Variants in FZR1 observed in about 807,000 individuals in gnomAD.
FZR1 encodes fizzy-related protein homolog.
Under a neutral mutation model 63.6 loss-of-function variants are expected in FZR1, and 11 were observed. The observed-to-expected ratio is 0.17, with a 90% confidence interval of 0.11 to 0.29. FZR1 has a LOEUF of 0.29. Ranked by LOEUF, FZR1 falls within the 10% of genes least tolerant of loss-of-function variation. FZR1 has a pLI of 1.00. For missense variants in FZR1, 440 were observed against 687.5 expected (o/e 0.64, Z 4.03); for synonymous variants, 328 against 297.9 (o/e 1.10, Z -1.04).
At position 3,534,569 on chromosome 19, in the gene FZR1, G is replaced by A. The variant is rs1219167579; in HGVS notation, c.1440+56G>A. 1.5e-5 allele frequency: 18 copies of A among 1,212,290 alleles called. No homozygotes were observed. The East Asian group carries it at 2.4e-4, about 16-fold the overall frequency. The allele number at this position is 1,212,290 out of a possible 1,614,324, so 75.1% of individuals were successfully genotyped here. ...CCCCGCCCCAGCCTGTCCCAGGGTC[G>A]TCCCTGTCCCCACTGTCCTCGGGCG... On this transcript the variant is annotated intron_variant, in intron 13 of 13. Coordinates refer to ENST00000441788, the MANE Select transcript of FZR1 (RefSeq NM_016263.4).
At chr19:3,508,489 G>A (rs2083002194) in intron 1 of FZR1, among the ~76,000 whole-genome samples, 1 of 152,204 alleles carries the variant, frequency 6.6e-6, no homozygotes, top group Non-Finnish European at 1.5e-5. Flanking sequence ...GCGCCACCGC[G>A]CTCGGCCTTA....
intron 6 of FZR1, among the ~76,000 whole-genome samples, chr19:3,527,405 G>A (rs576596555): frequency 2.0e-4 from 31 of 152,334 alleles, no homozygotes; most frequent in Admixed American, 1.8e-3. Flanking sequence ...GAGGAGGTGT[G>A]GGGAGCAGAG....
At position 3,530,297 on chromosome 19, in the gene FZR1, GGAGAGCGGAGGA is replaced by G. The variant is rs1316323284; in HGVS notation, c.655-479_655-468del. Among the ~76,000 whole-genome samples, 43 of 132,972 alleles carry G rather than the reference GGAGAGCGGAGGA, an allele frequency of 3.2e-4. 4 individuals are homozygous for G. The highest frequency in any genetic ancestry group is 2.1e-3 in the South Asian group (8 of 3,884). The allele number at this position is 132,972 out of a possible 152,430, so 87.2% of individuals were successfully genotyped here. A position where few individuals can be genotyped will look rare whatever the true frequency, so the allele number is the denominator to read the frequency against. On this transcript the variant is annotated intron_variant, in intron 7 of 13. Coordinates refer to ENST00000441788, the MANE Select transcript of FZR1 (RefSeq NM_016263.4). ...GGGAGAGCGGATGGGAGAGCGCAGGGGAGAGCGGAGGAGAGAGCGGAGGAGAGTGGTTGAGGG... is the reference window on the plus strand; with the variant it reads ...GGGAGAGCGGATGGGAGAGCGCAGGGGAGAGCGGAGGAGAGTGGTTGAGGG...
Position 3,536,164 on chromosome 19 carries a change from T to C in FZR1, c.*1328T>C, listed in dbSNP as rs892644886. 1 of 152,290 alleles carries C rather than the reference T, an allele frequency of 6.6e-6. No individual in the cohort carries two copies. The highest frequency in any genetic ancestry group is 2.4e-5 in the African/African-American group (1 of 41,470). The allele number at this position is 152,290 out of a possible 1,614,324, so 9.4% of individuals were successfully genotyped here. ...GTCCCCAGTGGGGTTGGCGTGCATG[T>C]GTACATATGTATTTGTGACTTTTCT... On this transcript the variant is annotated 3_prime_UTR_variant, in exon 14 of 14. Transcript: ENST00000441788.
chr19:3,534,184 C>T (rs2083274394), intron 12 of FZR1: 1 of 439,492 alleles, frequency 2.3e-6, no homozygotes. Context: ...TGCCCCACTG[C>T]ACACTCCAGC....
chr19:3,518,551 G>A (rs1038493990), intron 1 of FZR1, among the ~76,000 whole-genome samples: 56 of 152,262 alleles, frequency 3.7e-4, no homozygotes, highest in African/African-American at 1.3e-3. Context: ...TCCTGGAGCC[G>A]TTCCGCTTGT....
In FZR1 at chr19:3,526,089, G is replaced by A. The variant is rs368628520; in HGVS notation, c.196-31G>A. The A allele has an allele frequency of 3.0e-5, 49 of 1,612,154 alleles. No individual in the cohort carries two copies. Among genetic ancestry groups the A allele is most frequent in the Non-Finnish European group, 3.6e-5 (43 of 1,179,608 alleles). ...AGGGCCGGGAACAAGCGGGCTCCTC[G>A]ACCCCTCCCTCTCTGCTCTCCTGCC... On this transcript the variant is annotated intron_variant, in intron 3 of 13. Transcript: ENST00000441788. This position sits in a 1 kb window ranked among gnomAD's most constrained non-coding sequence, Gnocchi z 5.4.
chr19:3,513,967 T>C (rs559650028), intron 1 of FZR1, among the ~76,000 whole-genome samples: 2 of 152,296 alleles, frequency 1.3e-5, no homozygotes, highest in African/African-American at 4.8e-5. Flanking sequence ...GAAAAAAATA[T>C]GAAAACAGTG....
Position 3,515,742 on chromosome 19 carries a change from G to A in FZR1, c.-34-7214G>A. On this transcript the variant is annotated intron_variant, in intron 1 of 13. Transcript: ENST00000441788. The surrounding 1 kb of genome is among the most constrained non-coding windows in gnomAD (Gnocchi z 4.6). ...GATCGCACCACTGCAGTCCAGCCTG[G>A]GTGACAGAGCCAGACTCCGTCTCTA... Among the ~76,000 whole-genome samples the A allele has an allele frequency of 6.6e-6, 1 of 150,716 alleles. No homozygotes were observed. The highest frequency in any genetic ancestry group is 1.5e-5 in the Non-Finnish European group (1 of 67,824).
Position 3,526,364 on chromosome 19 carries a change from C to T in FZR1, c.365C>T (p.Pro122Leu). The change falls in exon 5 of 14, where the codon CCT (proline) becomes CTT (leucine). Residue 122 changes from proline (P) to leucine (L), a missense_variant. Around this residue, in one of 5 missense-constraint regions of FZR1, gnomAD observed 200 missense variants for 245.1 expected, o/e 0.82. Coordinates refer to ENST00000441788, the MANE Select transcript of FZR1 (RefSeq NM_016263.4). This position sits in a 1 kb window ranked among gnomAD's most constrained non-coding sequence, Gnocchi z 5.4. ...GACCGCAGGCTGCAGCCCTCCACGC[C>T]TGAGAAGAAGGGTCTGTTCACGGTA... ...TEDRRLQPSTPEKKGLFTYSL... is the reference protein window; with the variant it reads ...TEDRRLQPSTLEKKGLFTYSL... 1 of 1,596,878 alleles carries T rather than the reference C, an allele frequency of 6.3e-7. No homozygotes were observed. The highest frequency in any genetic ancestry group is 8.5e-7 in the Non-Finnish European group (1 of 1,172,994).
chr19:3,522,579 C>CG (rs1471607850), intron 1 of FZR1, among the ~76,000 whole-genome samples: 1 of 152,188 alleles, frequency 6.6e-6, no homozygotes, highest in African/African-American at 2.4e-5. Context: ...CCGTTGCAGA[C>CG]GCACACGCAC....
At position 3,515,766 on chromosome 19, in the gene FZR1, T is replaced by TA. The variant is rs11357702; in HGVS notation, c.-34-7174dup. ...GGGTGACAGAGCCAGACTCCGTCTCTAAAAAAAAAAAAAAAAGGAATTCAA... is the reference window on the plus strand; with the variant it reads ...GGGTGACAGAGCCAGACTCCGTCTCTAAAAAAAAAAAAAAAAAGGAATTCAA... On this transcript the variant is annotated intron_variant, in intron 1 of 13. Transcript: ENST00000441788. The surrounding 1 kb of genome is among the most constrained non-coding windows in gnomAD (Gnocchi z 4.6). 1.9e-3 allele frequency among the ~76,000 whole-genome samples: 262 copies of TA among 134,398 alleles called. No individual in the cohort carries two copies. The highest frequency in any genetic ancestry group is 5.9e-3 in the East Asian group (28 of 4,722). The allele number at this position is 134,398 out of a possible 152,430, so 88.2% of individuals were successfully genotyped here.
At chr19:3,528,806 CGTGGATGGGTGA>C (rs957185268) in intron 7 of FZR1, among the ~76,000 whole-genome samples, 1 of 60,186 alleles carries the variant, frequency 1.7e-5, no homozygotes, top group Middle Eastern at 0.012. Context: ...TGGATGGGTA[CGTGGATGGGTGA>C]GTGGATGGGA....
chr19:3,524,395 C>T (rs989210829), intron 2 of FZR1, among the ~76,000 whole-genome samples: 2 of 152,220 alleles, frequency 1.3e-5, no homozygotes, highest in Admixed American at 1.3e-4. Context: ...CCCACATACC[C>T]GTCCTGCCCC....
chr19:3,526,307 G>A lies in FZR1; in HGVS notation c.308G>A (p.Gly103Asp), dbSNP rs771866008. Residue 103 changes from glycine to aspartate, a missense_variant, in exon 5 of 14, where the codon GGC becomes GAC. This residue lies in a region of FZR1 where 200 missense variants were observed against 245.1 expected (regional missense o/e 0.82). Coordinates refer to ENST00000441788, the MANE Select transcript of FZR1 (RefSeq NM_016263.4). The surrounding 1 kb of genome is among the most constrained non-coding windows in gnomAD (Gnocchi z 5.4). ...CTCAAGAATGAGCTGCTGGGTGCCG[G>A]CATCGAGAAGGTGCAGGACCCGCAG... The part of the protein sequence containing the change: ...ALLKNELLGA[G>D]IEKVQDPQTE... The A allele has an allele frequency of 6.2e-7, 1 of 1,605,924 alleles. No homozygotes were observed. The highest frequency in any genetic ancestry group is 1.1e-5 in the South Asian group (1 of 90,374).
intron 7 of FZR1, 83 bp downstream of exon 7, chr19:3,527,897 A>T: frequency 8.6e-7 from 1 of 1,159,712 alleles, no homozygotes; most frequent in Middle Eastern, 2.5e-4. Flanking sequence ...GGATCCAGGG[A>T]GCATCAGTAC....
intron 1 of FZR1, among the ~76,000 whole-genome samples, chr19:3,511,543 CTA>C (rs2083024737): frequency 1.3e-5 from 2 of 152,288 alleles, no homozygotes. Flanking sequence ...ACCCCCATCT[CTA>C]TATTTTAAAA....
intron 7 of FZR1, among the ~76,000 whole-genome samples, chr19:3,530,441 A>AGAGCGCATGGAT (rs2083234005): frequency 1.3e-5 from 1 of 74,942 alleles, no homozygotes; most frequent in South Asian, 5.5e-4. Flanking sequence ...AGCGGATGGG[A>AGAGCGCATGGAT]GAGCGCATGG....
chr19:3,521,204 G>C (rs1275971547), intron 1 of FZR1: 1 of 152,226 alleles, frequency 6.6e-6, no homozygotes, highest in African/African-American at 2.4e-5. Flanking sequence ...CATTCTCCTG[G>C]GTGTGTATCT....
Sources: allele counts gnomAD v4.1 joint callset (sites outside exome capture counted in the v4.1 genomes callset), GRCh38; gene constraint gnomAD v4.1.1; regional missense constraint gnomAD v4.1.1; non-coding constraint Gnocchi (gnomAD v3.1); transcripts MANE v1.5; gene names NCBI Gene and HGNC (gene_info 2026-07-23, HGNC 2026-07-21).